The following HDAC9 variants were observed in gnomAD, a reference collection of about 807,000 sequenced individuals.
HDAC9 encodes the protein histone deacetylase 9, also known as MEF-2 interacting transcription repressor (MITR) protein.
Under a neutral mutation model 139.4 loss-of-function variants are expected in HDAC9, and 41 were observed. The ratio of observed to expected loss-of-function variants is 0.29; its 90% CI spans 0.23 to 0.38. The LOEUF (loss-of-function observed/expected upper bound fraction) is 0.38, where lower values mean the gene tolerates loss of function less well. Among genes scored for constraint, HDAC9 ranks in the 10% least tolerant of loss-of-function variants. The probability of loss-of-function intolerance (pLI) is 1.00; values close to 1 mark genes in which losing one functional copy is unlikely to be tolerated. For missense variants in HDAC9, 1,147 were observed against 1,297.0 expected, an observed-to-expected ratio of 0.88 and a Z score of 1.78; for synonymous variants, 517 against 476.2, an observed-to-expected ratio of 1.09 and a Z score of -1.12.
chr7:18,984,032 A>T (rs1481136412), intron 25 of HDAC9, among the ~76,000 whole-genome samples: 1 of 152,080 alleles, frequency 6.6e-6, no homozygotes. Context: ...CCCAAATTAG[A>T]TCAGGTCCTC....
intron 22 of HDAC9, among the ~76,000 whole-genome samples, chr7:18,903,995 G>A (rs1471569110): frequency 6.6e-6 from 1 of 152,124 alleles, no homozygotes; most frequent in Admixed American, 6.5e-5. Context: ...GCTACGATTG[G>A]GAACAGAGAT....
chr7:18,628,141 G>A (rs756974283), intron 6 of HDAC9, among the ~76,000 whole-genome samples: 19 of 152,106 alleles, frequency 1.2e-4, no homozygotes, highest in Non-Finnish European at 2.4e-4. Context: ...GATTAGTGGT[G>A]CTTTGGGAAA....
rs571300615 is a variant in HDAC9, at chr7:19,000,374, G to C, written c.*4312G>C. 1.3e-5 allele frequency: 2 copies of C among 152,204 alleles called. No homozygotes were observed. Among genetic ancestry groups the C allele is most frequent in the East Asian group, 1.9e-4 (1 of 5,178 alleles). 9.4% of individuals were successfully genotyped at this position (152,204 alleles called of 1,614,324 possible). Reference sequence around the variant, plus strand: ...CAAAAATCACAGTCCTTGCCTCCTTGCTTGCTTTTACTCCATGAAACGCTT... The same window carrying C: ...CAAAAATCACAGTCCTTGCCTCCTTCCTTGCTTTTACTCCATGAAACGCTT... On this transcript the variant is annotated 3_prime_UTR_variant, in exon 26 of 26. Coordinates refer to ENST00000686413, the MANE Select transcript of HDAC9 (RefSeq NM_178425.4).
chr7:18,513,254 T>G (rs1342471442), intron 2 of HDAC9, among the ~76,000 whole-genome samples: 1 of 152,226 alleles, frequency 6.6e-6, no homozygotes, highest in African/African-American at 2.4e-5. Flanking sequence ...GCAGGGACTT[T>G]AGTAAAGTGG....
intron 1 of HDAC9, among the ~76,000 whole-genome samples, chr7:18,435,503 G>A (rs1160213982): frequency 6.6e-6 from 1 of 152,164 alleles, no homozygotes; most frequent in African/African-American, 2.4e-5. Flanking sequence ...TTTCGAGAGA[G>A]AGAAGGTATT....
At chr7:18,107,810 T>G (rs1454102562) in intron 1 of HDAC9, among the ~76,000 whole-genome samples, 1 of 152,246 alleles carries the variant, frequency 6.6e-6, no homozygotes, top group African/African-American at 2.4e-5. Flanking sequence ...TATGCAGTGG[T>G]AGATAGTGGC....
chr7:18,488,276 A>G (rs546593071), intron 1 of HDAC9, among the ~76,000 whole-genome samples: 1 of 152,144 alleles, frequency 6.6e-6, no homozygotes, highest in South Asian at 2.1e-4. Flanking sequence ...CTGTTAAATA[A>G]AGAAAATAGT....
At chr7:18,492,041 CTG>C (rs1251568846), upstream of HDAC9, among the ~76,000 whole-genome samples, 1 of 152,128 alleles carries the variant, frequency 6.6e-6, no homozygotes, top group Non-Finnish European at 1.5e-5. Context: ...CAAGTAAAGA[CTG>C]TAACAGCCGC....
intron 1 of HDAC9, among the ~76,000 whole-genome samples, chr7:18,466,679 T>C: frequency 6.6e-6 from 1 of 152,236 alleles, no homozygotes; most frequent in East Asian, 1.9e-4. Flanking sequence ...TCTCCTATTT[T>C]AAATTTAGCT....
At chr7:18,333,465 A>G (rs879316664) in intron 1 of HDAC9, among the ~76,000 whole-genome samples, 2 of 151,538 alleles carry the variant, frequency 1.3e-5, no homozygotes, top group South Asian at 2.1e-4. Context: ...CTGCTTCACT[A>G]TATAGCCATT....
chr7:18,231,268 T>G (rs2128183560), intron 2 of HDAC9, among the ~76,000 whole-genome samples: 1 of 152,366 alleles, frequency 6.6e-6, no homozygotes, highest in South Asian at 2.1e-4. Flanking sequence ...GATTGCCCTT[T>G]AAGCAGGGCT....
chr7:18,212,340 T>A (rs1792000597), intron 2 of HDAC9, among the ~76,000 whole-genome samples: 2 of 152,296 alleles, frequency 1.3e-5, no homozygotes, highest in South Asian at 4.1e-4. Context: ...ATAATATTAT[T>A]ACATTTTCTT....
intron 1 of HDAC9, among the ~76,000 whole-genome samples, chr7:18,088,919 A>G (rs1781966081): frequency 6.6e-6 from 1 of 152,210 alleles, no homozygotes. Flanking sequence ...ATTTTGTTTG[A>G]ATGGGGCACA....
intron 2 of HDAC9, among the ~76,000 whole-genome samples, chr7:18,244,323 A>C (rs1349901234): frequency 6.6e-6 from 1 of 152,218 alleles, no homozygotes; most frequent in African/African-American, 2.4e-5. Flanking sequence ...AGCTGAAATG[A>C]AGTGGTATTT....
At chr7:18,823,012 A>G (rs942168028) in intron 17 of HDAC9, among the ~76,000 whole-genome samples, 3 of 152,230 alleles carry the variant, frequency 2.0e-5, no homozygotes, top group African/African-American at 7.2e-5. Context: ...TTAAGACTTA[A>G]TATGTTTTTT....
At chr7:18,769,424 AGTG>A in intron 16 of HDAC9, among the ~76,000 whole-genome samples, 1 of 152,222 alleles carries the variant, frequency 6.6e-6, no homozygotes, top group African/African-American at 2.4e-5. Flanking sequence ...TGGTGGCAGC[AGTG>A]GTGGTGGATA....
At chr7:18,914,462 C>T (rs1367407975) in intron 22 of HDAC9, among the ~76,000 whole-genome samples, 3 of 151,728 alleles carry the variant, frequency 2.0e-5, no homozygotes, top group African/African-American at 7.3e-5. Flanking sequence ...TAAGTAACCC[C>T]CATAGCACAA....
rs551662137 is a variant in HDAC9, at chr7:18,115,102, T to G, written c.-97+27889T>G. Among the ~76,000 whole-genome samples the G allele has an allele frequency of 7.4e-4, 113 of 152,260 alleles. 3 individuals are homozygous for G. In the South Asian group the frequency reaches 0.023, roughly 30 times the overall value. ...GTCAGGAGATCGAGACCATCGTGGCTAACACGGTGAAACCCCATCTCTACT... is the reference window on the plus strand; with the variant it reads ...GTCAGGAGATCGAGACCATCGTGGCGAACACGGTGAAACCCCATCTCTACT... On this transcript the variant is annotated intron_variant, in intron 1 of 12. Transcript: ENST00000417496.
In HDAC9 at chr7:19,001,708, T is replaced by A. The variant is rs1786759966; in HGVS notation, c.*5646T>A. On this transcript the variant is annotated 3_prime_UTR_variant, in exon 26 of 26. Coordinates refer to ENST00000686413, the MANE Select transcript of HDAC9 (RefSeq NM_178425.4). ...TGGGGAAGCAACGTCAGTGTCTACC[T>A]CCACAGTAACTATGATATAGGAAAT... The A allele has an allele frequency of 6.6e-6, 1 of 152,066 alleles. No homozygotes were observed. Among genetic ancestry groups the A allele is most frequent in the Non-Finnish European group, 1.5e-5 (1 of 67,956 alleles). The allele number at this position is 152,066 out of a possible 1,614,324, so 9.4% of individuals were successfully genotyped here.
Sources: allele counts gnomAD v4.1 joint callset (sites outside exome capture counted in the v4.1 genomes callset), GRCh38; gene constraint gnomAD v4.1.1; transcripts MANE v1.5; gene names NCBI Gene and HGNC (gene_info 2026-07-23, HGNC 2026-07-21).